The following TLL1 variants were observed in gnomAD, a reference collection of about 807,000 sequenced individuals.
The protein encoded by TLL1 is tolloid like 1.
In TLL1, 49 loss-of-function variants were observed where a neutral mutation model predicts 128.2. The ratio of observed to expected loss-of-function variants is 0.38; its 90% confidence interval spans 0.30 to 0.48. The LOEUF (loss-of-function observed/expected upper bound fraction) is 0.48. Among genes scored for constraint, TLL1 ranks in the 20% least tolerant of loss-of-function variants. The pLI, the probability that TLL1 is intolerant of heterozygous loss-of-function variation, is 0.96. For synonymous variants in TLL1, 454 were observed against 418.8 expected (o/e 1.08, Z -1.03); for missense variants, 1,123 against 1,242.0 (o/e 0.90, Z 1.44).
intron 6 of TLL1, 71 bp downstream of exon 6, chr4:166,003,640 A>G (rs1175234582): frequency 2.0e-6 from 3 of 1,526,908 alleles, no homozygotes; most frequent in African/African-American, 2.8e-5. Flanking sequence ...GCAGTTTATT[A>G]TTTCACTTTC....
In TLL1 at chr4:165,956,489, C is replaced by T. The variant is rs191535383; in HGVS notation, c.170-32892C>T. ...CTAGGAAAAGAATTTAGCAATATCTCTCCTACTTGCACGTCCATTTATAGG... is the reference window on the plus strand; with the variant it reads ...CTAGGAAAAGAATTTAGCAATATCTTTCCTACTTGCACGTCCATTTATAGG... On this transcript the variant is annotated intron_variant, in intron 1 of 20. Transcript: ENST00000061240. Among the ~76,000 whole-genome samples, 380 of 152,050 alleles carry T rather than the reference C, an allele frequency of 2.5e-3. 2 individuals carry two copies. Among genetic ancestry groups the T allele is most frequent in the Non-Finnish European group, 4.5e-3 (305 of 67,998 alleles).
chr4:166,091,027 C>A, intron 18 of TLL1, 101 bp from the exon 19 acceptor site: 1 of 903,562 alleles, frequency 1.1e-6, no homozygotes, highest in Non-Finnish European at 1.7e-6. Flanking sequence ...TATTAGTATG[C>A]CCTGAACATA....
chr4:166,003,460 A>C lies in TLL1; in HGVS notation c.702A>C (p.Lys234Asn). The change falls in exon 6 of 21, where the codon AAA becomes AAC. Residue 234 changes from lysine to asparagine, a missense_variant. By Grantham distance (94) the Lys-to-Asn change is moderately conservative. Transcript: ENST00000061240. ...QAISIGKNCD[K>N]FGIVVHELGH... ...TCTCTATCGGCAAGAACTGTGATAA[A>C]TTTGGGATTGTTGTTCATGAATTGG... 1 of 1,614,022 alleles carries C rather than the reference A, an allele frequency of 6.2e-7. No homozygotes were observed. The highest frequency in any genetic ancestry group is 8.5e-7 in the Non-Finnish European group (1 of 1,179,958).
rs745422151 is a variant in TLL1, at chr4:166,003,436, C to G, written c.678C>G (p.Ile226Met). ...GGCGAGGAAATGGACCTCAGGCAAT[C>G]TCTATCGGCAAGAACTGTGATAAAT... is the stretch of plus-strand genomic sequence containing the variant. ...VGRRGNGPQA[I>M]SIGKNCDKFG... The change falls in exon 6 of 21, where the codon ATC becomes ATG. Residue 226 changes from isoleucine (I) to methionine (M), a missense_variant. Physicochemically the swap from Ile to Met is conservative, Grantham distance 10. This residue lies in a region of TLL1 where 480 missense variants were observed against 542.4 expected (regional missense o/e 0.89). Transcript: ENST00000061240. 1 of 1,614,020 alleles carries G rather than the reference C, an allele frequency of 6.2e-7. No homozygotes were observed. The highest frequency in any genetic ancestry group is 8.5e-7 in the Non-Finnish European group (1 of 1,179,952).
intron 1 of TLL1, among the ~76,000 whole-genome samples, chr4:165,962,570 G>A (rs1430366955): frequency 6.6e-6 from 1 of 152,086 alleles, no homozygotes; most frequent in African/African-American, 2.4e-5. Context: ...TTATTACTGG[G>A]TATATACCCA....
intron 1 of TLL1, among the ~76,000 whole-genome samples, chr4:165,926,506 A>T (rs997376568): frequency 2.0e-5 from 3 of 152,088 alleles, no homozygotes; most frequent in African/African-American, 4.8e-5. Flanking sequence ...GGTGATGCGG[A>T]TAGGAAATGG....
intron 18 of TLL1, among the ~76,000 whole-genome samples, chr4:166,090,087 T>C (rs1025155397): frequency 6.6e-6 from 1 of 152,112 alleles, no homozygotes. Context: ...AAAATAAGTA[T>C]ATTAAAATTT....
At chr4:165,958,461 GTGA>G (rs1734924236) in intron 1 of TLL1, among the ~76,000 whole-genome samples, 1 of 141,392 alleles carries the variant, frequency 7.1e-6, no homozygotes, top group Non-Finnish European at 1.5e-5. Flanking sequence ...CTGATGGCCA[GTGA>G]TGATGAGCAT....
chr4:165,967,790 C>T (rs991785166), intron 1 of TLL1, among the ~76,000 whole-genome samples: 15 of 152,014 alleles, frequency 9.9e-5, no homozygotes, highest in African/African-American at 3.6e-4. Flanking sequence ...ATGATTCACA[C>T]TGAATATTGG....
chr4:166,057,111 A>G lies in TLL1; in HGVS notation c.1721-73A>G, dbSNP rs1175142321. On this transcript the variant is annotated intron_variant, in intron 13 of 20. Transcript: ENST00000061240. ...TTCAAGGTGAGATTTGGGTGGGGACACAGCCAAACCATTTCACATACATAC... is the reference window on the plus strand; with the variant it reads ...TTCAAGGTGAGATTTGGGTGGGGACGCAGCCAAACCATTTCACATACATAC... The G allele has an allele frequency of 3.2e-6, 5 of 1,577,964 alleles. No individual in the cohort carries two copies. In the East Asian group the frequency reaches 1.1e-4, roughly 35 times the overall value.
chr4:165,952,171 G>A (rs1174600173), intron 1 of TLL1, among the ~76,000 whole-genome samples: 2 of 152,074 alleles, frequency 1.3e-5, no homozygotes, highest in Non-Finnish European at 2.9e-5. Flanking sequence ...CACAATGTTG[G>A]CCAAGTCAAG....
intron 1 of TLL1, among the ~76,000 whole-genome samples, chr4:165,961,750 G>C (rs1456714034): frequency 6.6e-6 from 1 of 152,148 alleles, no homozygotes; most frequent in Admixed American, 6.5e-5. Flanking sequence ...GTGGTGTGTG[G>C]ATAACTGGCT....
At chr4:166,032,879 C>A (rs770417278) in intron 9 of TLL1, among the ~76,000 whole-genome samples, 1 of 152,030 alleles carries the variant, frequency 6.6e-6, no homozygotes, top group African/African-American at 2.4e-5. Flanking sequence ...ATGTAAAGAG[C>A]TGTTATAAAC....
At chr4:165,926,276 A>G (rs1376460426) in intron 1 of TLL1, among the ~76,000 whole-genome samples, 1 of 152,226 alleles carries the variant, frequency 6.6e-6, no homozygotes, top group Non-Finnish European at 1.5e-5. Context: ...TGACACATTC[A>G]TACAGCTTTA....
chr4:165,944,553 C>A (rs552511034), intron 1 of TLL1, among the ~76,000 whole-genome samples: 2 of 152,016 alleles, frequency 1.3e-5, no homozygotes, highest in East Asian at 1.9e-4. Context: ...ATTTCTTTCA[C>A]AGTATAAAGA....
At chr4:166,034,630 C>T (rs942225673) in intron 9 of TLL1, among the ~76,000 whole-genome samples, 1 of 151,934 alleles carries the variant, frequency 6.6e-6, no homozygotes, top group African/African-American at 2.4e-5. Flanking sequence ...GAAGTATAGC[C>T]AGCATTGACA....
chr4:165,961,076 G>T lies in TLL1; in HGVS notation c.170-28305G>T, dbSNP rs185518233. Among the ~76,000 whole-genome samples, 60 of 152,132 alleles carry T rather than the reference G, an allele frequency of 3.9e-4. 1 individual carries two copies. Among genetic ancestry groups the T allele is most frequent in the Admixed American group, 2.0e-3 (31 of 15,248 alleles). On this transcript the variant is annotated intron_variant, in intron 1 of 20. Coordinates refer to ENST00000061240, the MANE Select transcript of TLL1 (RefSeq NM_012464.5). Reference sequence around the variant, plus strand: ...GATTCAATACCTAGAAGACCCTAAAGATCCCACCAAATGGCTCCTAGAACT... The same window carrying T: ...GATTCAATACCTAGAAGACCCTAAATATCCCACCAAATGGCTCCTAGAACT...
chr4:166,055,687 C>T (rs184075482), intron 13 of TLL1, among the ~76,000 whole-genome samples: 5 of 152,228 alleles, frequency 3.3e-5, no homozygotes, highest in Admixed American at 3.3e-4. Context: ...TAATTTATGA[C>T]CTCCTTAGCA....
At chr4:166,090,161 T>C (rs905402507) in intron 18 of TLL1, among the ~76,000 whole-genome samples, 1 of 150,048 alleles carries the variant, frequency 6.7e-6, no homozygotes, top group Non-Finnish European at 1.5e-5. Flanking sequence ...TATTTCATAC[T>C]TTTTCATGTT....
Sources: gnomAD v4.1 joint callset for allele counts (sites outside exome capture counted in the v4.1 genomes callset) on GRCh38, gnomAD v4.1.1 for gene constraint, gnomAD v4.1.1 regional missense constraint, MANE v1.5 for transcripts, NCBI Gene and HGNC (gene_info 2026-07-23, HGNC 2026-07-21) for gene names.